Variants in EHBP1 observed in about 807,000 individuals in gnomAD.
EHBP1 encodes EH domain-binding protein 1.
Under a neutral mutation model 144.0 loss-of-function variants are expected in EHBP1, and 55 were observed. The ratio of observed to expected loss-of-function variants is 0.38; its 90% CI spans 0.31 to 0.48. The LOEUF (loss-of-function observed/expected upper bound fraction) is 0.48, where lower values mean the gene tolerates loss of function less well. Ranked by LOEUF, EHBP1 falls within the 20% of genes least tolerant of loss-of-function variation. The probability of loss-of-function intolerance (pLI) is 0.98; values close to 1 mark genes in which losing one functional copy is unlikely to be tolerated. For synonymous variants in EHBP1, 469 were observed against 472.7 expected (o/e 0.99, Z 0.10); for missense variants, 1,200 against 1,364.2 (o/e 0.88, Z 1.90).
At chr2:62,870,206 C>A (rs1051526891) in intron 9 of EHBP1, among the ~76,000 whole-genome samples, 1 of 152,058 alleles carries the variant, frequency 6.6e-6, no homozygotes, top group East Asian at 1.9e-4. Flanking sequence ...TGTTATCTCT[C>A]TATTGTGCAT....
intron 10 of EHBP1, among the ~76,000 whole-genome samples, chr2:62,890,494 G>A (rs899757798): frequency 1.3e-5 from 2 of 152,052 alleles, no homozygotes; most frequent in African/African-American, 4.8e-5. Flanking sequence ...TATTCTTTTT[G>A]TAGTGATTGT....
intron 19 of EHBP1, among the ~76,000 whole-genome samples, chr2:63,036,101 A>G (rs527404326): frequency 8.5e-5 from 13 of 152,154 alleles, no homozygotes; most frequent in African/African-American, 2.9e-4. Flanking sequence ...TCTGAAATAC[A>G]TGTTTAATCC....
chr2:62,777,210 GTAC>G (rs2042109910), intron 5 of EHBP1, among the ~76,000 whole-genome samples: 1 of 152,118 alleles, frequency 6.6e-6, no homozygotes, highest in African/African-American at 2.4e-5. Context: ...AGCTCAAGCA[GTAC>G]TCCCACCTCG....
intron 2 of EHBP1, among the ~76,000 whole-genome samples, chr2:62,732,042 A>G (rs541894289): frequency 6.6e-6 from 1 of 152,226 alleles, no homozygotes; most frequent in South Asian, 2.1e-4. Flanking sequence ...CCTGCTTACA[A>G]GTGTGGGGAC....
At chr2:62,819,625 A>G (rs2045736276) in intron 5 of EHBP1, among the ~76,000 whole-genome samples, 1 of 151,888 alleles carries the variant, frequency 6.6e-6, no homozygotes, top group African/African-American at 2.4e-5. Flanking sequence ...TTAACTAGGC[A>G]TGGTGGTGCA....
chr2:62,898,146 G>A (rs541378153), intron 10 of EHBP1, among the ~76,000 whole-genome samples: 30 of 152,278 alleles, frequency 2.0e-4, no homozygotes, highest in Admixed American at 1.1e-3. Context: ...CAGGTTATGG[G>A]AAGCCATTGG....
At chr2:62,763,522 T>C (rs1360564027) in intron 3 of EHBP1, among the ~76,000 whole-genome samples, 1 of 152,180 alleles carries the variant, frequency 6.6e-6, no homozygotes, top group South Asian at 2.1e-4. Context: ...GCTTTTATTA[T>C]AATTTTCATA....
chr2:63,041,177 C>A (rs1164951348), intron 21 of EHBP1, among the ~76,000 whole-genome samples: 1 of 152,156 alleles, frequency 6.6e-6, no homozygotes, highest in African/African-American at 2.4e-5. Context: ...ATATTCAATA[C>A]ATCCATTCTT....
At chr2:62,846,463 T>C (rs992085309) in intron 7 of EHBP1, among the ~76,000 whole-genome samples, 1 of 152,170 alleles carries the variant, frequency 6.6e-6, no homozygotes, top group Non-Finnish European at 1.5e-5. Context: ...CCAAGTTTCT[T>C]AGCAAAGTTT....
At chr2:63,034,515 A>T (rs1408972767) in intron 19 of EHBP1, among the ~76,000 whole-genome samples, 2 of 152,102 alleles carry the variant, frequency 1.3e-5, no homozygotes, top group African/African-American at 4.8e-5. Flanking sequence ...AAATAATGAC[A>T]GTCTTCATTT....
At chr2:62,856,499 A>T (rs971954986) in intron 7 of EHBP1, among the ~76,000 whole-genome samples, 3 of 152,078 alleles carry the variant, frequency 2.0e-5, no homozygotes, top group African/African-American at 7.2e-5. Context: ...CAGTGGCTAG[A>T]CCCCACACTC....
At position 62,705,915 on chromosome 2, in the gene EHBP1, T is replaced by A; in HGVS notation, c.-433T>A. ...CAGATCCCGGCTACCGCGAGCGCCG[T>A]GGCTGGCTTGGCTGTTCCATGTGGC... On this transcript the variant is annotated 5_prime_UTR_variant, in exon 1 of 23. Transcript: ENST00000431489. 6.4e-6 allele frequency: 1 copy of A among 155,724 alleles called. No individual in the cohort carries two copies. The highest frequency in any genetic ancestry group is 2.0e-4 in the East Asian group (1 of 5,106). The allele number at this position is 155,724 out of a possible 1,614,324, so 9.6% of individuals were successfully genotyped here.
At chr2:62,890,806 T>G (rs1039003117) in intron 10 of EHBP1, among the ~76,000 whole-genome samples, 1 of 152,238 alleles carries the variant, frequency 6.6e-6, no homozygotes, top group Admixed American at 6.5e-5. Flanking sequence ...TAAAGCATGT[T>G]TTCAACAAAT....
intron 21 of EHBP1, among the ~76,000 whole-genome samples, chr2:63,039,778 C>T (rs966233761): frequency 6.6e-5 from 10 of 152,088 alleles, no homozygotes; most frequent in Non-Finnish European, 1.3e-4. Flanking sequence ...TGTCTGAATA[C>T]TATCATATAT....
chr2:63,024,365 C>CAA (rs1559082016), intron 19 of EHBP1, among the ~76,000 whole-genome samples: 1 of 151,810 alleles, frequency 6.6e-6, no homozygotes, highest in African/African-American at 2.4e-5. Context: ...AAAAACAAAA[C>CAA]AAAAAAGATG....
intron 5 of EHBP1, among the ~76,000 whole-genome samples, chr2:62,774,989 G>A (rs2041957216): frequency 2.0e-5 from 3 of 152,168 alleles, no homozygotes; most frequent in African/African-American, 7.2e-5. Flanking sequence ...AATACATAAT[G>A]TATGCTAAAT....
At chr2:62,675,666 A>G (rs2033260315) in intron 1 of EHBP1, among the ~76,000 whole-genome samples, 1 of 152,200 alleles carries the variant, frequency 6.6e-6, no homozygotes, top group Non-Finnish European at 1.5e-5. Flanking sequence ...CAATGCTGCA[A>G]AAAAAGGCCA....
intron 7 of EHBP1, among the ~76,000 whole-genome samples, chr2:62,856,869 A>G (rs1471050684): frequency 2.6e-5 from 4 of 152,240 alleles, no homozygotes; most frequent in African/African-American, 9.6e-5. Context: ...GACATAGTGG[A>G]AAGTATGCTA....
intron 11 of EHBP1, among the ~76,000 whole-genome samples, chr2:62,943,147 C>T (rs546551735): frequency 5.2e-4 from 79 of 152,184 alleles, no homozygotes; most frequent in Admixed American, 1.1e-3. Flanking sequence ...GAGGCCAAGG[C>T]GGGTGGATCA....
Sources: allele counts gnomAD v4.1 joint callset (sites outside exome capture counted in the v4.1 genomes callset), GRCh38; gene constraint gnomAD v4.1.1; transcripts MANE v1.5; gene names NCBI Gene and HGNC (gene_info 2026-07-23, HGNC 2026-07-21).